Variants in AGTPBP1 observed in about 807,000 individuals in gnomAD.
AGTPBP1 encodes the protein cytosolic carboxypeptidase 1.
In AGTPBP1, 70 loss-of-function variants were observed where a neutral mutation model predicts 143.9. The observed-to-expected ratio is 0.49, with a 90% CI of 0.40 to 0.59. The LOEUF (loss-of-function observed/expected upper bound fraction) is 0.59, where lower values mean the gene tolerates loss of function less well. Ranked by LOEUF, AGTPBP1 falls within the 20% of genes least tolerant of loss-of-function variation. The pLI is 0.00. For synonymous variants in AGTPBP1, 463 were observed against 500.2 expected (o/e 0.93, Z 0.99); for missense variants, 1,229 against 1,464.5 (o/e 0.84, Z 2.62).
chr9:85,791,326 A>T, the AGTPBP1 span, among the ~76,000 whole-genome samples: 20 of 151,934 alleles, frequency 1.3e-4, no homozygotes, highest in Non-Finnish European at 2.6e-4. Context: ...GTGAGCCGAG[A>T]TCGCGCCATT....
the AGTPBP1 span, among the ~76,000 whole-genome samples, chr9:85,782,829 G>A: frequency 3.3e-5 from 5 of 152,146 alleles, no homozygotes; most frequent in African/African-American, 1.2e-4. Flanking sequence ...GTAATACAGA[G>A]GTGTTTACTG....
At chr9:85,770,160 T>C in the AGTPBP1 span, 1 of 669,034 alleles carries the variant, frequency 1.5e-6, no homozygotes, top group Non-Finnish European at 2.5e-6. Context: ...AAAAACATTT[T>C]CTTAAAATGT....
chr9:85,547,370 CT>C, intron 25 of AGTPBP1, 84 bp from the exon 26 acceptor site: 1 of 1,170,686 alleles, frequency 8.5e-7, no homozygotes, highest in Non-Finnish European at 1.1e-6. Flanking sequence ...ACTGGACTAA[CT>C]TTGATTCCAA....
At chr9:85,710,676 TACAACA>T (rs527633138) in intron 2 of AGTPBP1, among the ~76,000 whole-genome samples, 60 of 150,964 alleles carry the variant, frequency 4.0e-4, no homozygotes, top group African/African-American at 1.4e-3. Flanking sequence ...TTAGTTACCC[TACAACA>T]ACAACAACAA....
intron 2 of AGTPBP1, among the ~76,000 whole-genome samples, chr9:85,701,237 A>ATT (rs1176976488): frequency 7.6e-6 from 1 of 131,316 alleles, no homozygotes; most frequent in African/African-American, 2.9e-5. Context: ...TTATTTTTTA[A>ATT]TTTTTTTTTT....
In AGTPBP1 at chr9:85,669,411, T is replaced by C. The variant is rs41283645; in HGVS notation, c.662+74A>G. ...GAGACAATTTAATTCAACCTGCTCA[T>C]TGTACATATCAAGATAATGAGGCCC... On this transcript the variant is annotated intron_variant, in intron 8 of 25. Transcript: ENST00000357081. 15,375 of 779,244 alleles carry C rather than the reference T, an allele frequency of 0.02. 213 individuals carry two copies. Among genetic ancestry groups the C allele is most frequent in the Middle Eastern group, 0.037 (96 of 2,628 alleles). 48.3% of individuals were successfully genotyped at this position (779,244 alleles called of 1,614,324 possible).
At chr9:85,712,923 G>C (rs964696980) in intron 1 of AGTPBP1, among the ~76,000 whole-genome samples, 2 of 152,168 alleles carry the variant, frequency 1.3e-5, no homozygotes, top group African/African-American at 2.4e-5. Context: ...ACAGCATCCT[G>C]TGATTAGTGC....
Position 85,618,975 on chromosome 9 carries a change from T to C in AGTPBP1, c.2335+8A>G, listed in dbSNP as rs781342083. On this transcript the variant is annotated splice_region_variant and intron_variant, in intron 17 of 25. Transcript: ENST00000357081. ...TGCCATTTCAATTGGGAAAGAAAAC[T>C]GTCTTACCATAATTAAACTGACTGT... 12 of 1,601,174 alleles carry C rather than the reference T, an allele frequency of 7.5e-6. No individual in the cohort carries two copies. Among genetic ancestry groups the C allele is most frequent in the Middle Eastern group, 1.7e-4 (1 of 6,020 alleles).
At chr9:85,725,667 T>C (rs1402351578) in intron 1 of AGTPBP1, among the ~76,000 whole-genome samples, 1 of 152,156 alleles carries the variant, frequency 6.6e-6, no homozygotes, top group Non-Finnish European at 1.5e-5. Context: ...TCCAGCACTT[T>C]GGGAGGCCAA....
At chr9:85,670,672 T>C (rs1422093793) in intron 7 of AGTPBP1, among the ~76,000 whole-genome samples, 2 of 152,148 alleles carry the variant, frequency 1.3e-5, no homozygotes, top group East Asian at 1.9e-4. Context: ...AAAGCCAGCC[T>C]GAGATGTATA....
intron 25 of AGTPBP1, among the ~76,000 whole-genome samples, chr9:85,550,863 G>A (rs1825996835): frequency 6.6e-6 from 1 of 152,110 alleles, no homozygotes; most frequent in South Asian, 2.1e-4. Flanking sequence ...CACCAGCACT[G>A]TTTCCTCTGC....
chr9:85,710,904 T>C (rs1310583094), intron 2 of AGTPBP1, among the ~76,000 whole-genome samples: 2 of 152,170 alleles, frequency 1.3e-5, no homozygotes, highest in Non-Finnish European at 1.5e-5. Flanking sequence ...AAAGATCCTT[T>C]TTAAAATACA....
At chr9:85,688,621 G>T (rs1835647358) in intron 3 of AGTPBP1, among the ~76,000 whole-genome samples, 1 of 152,116 alleles carries the variant, frequency 6.6e-6, no homozygotes, top group Non-Finnish European at 1.5e-5. Context: ...ACAACCATGG[G>T]TCAACAAATT....
chr9:85,762,996 T>C, the AGTPBP1 span, among the ~76,000 whole-genome samples: 3 of 151,702 alleles, frequency 2.0e-5, no homozygotes, highest in Admixed American at 2.0e-4. Flanking sequence ...CAAAAAAGAC[T>C]ACTTGTAAGT....
chr9:85,762,221 C>G, the AGTPBP1 span, among the ~76,000 whole-genome samples: 3 of 152,086 alleles, frequency 2.0e-5, no homozygotes, highest in Non-Finnish European at 4.4e-5. Context: ...GGCGATTCCT[C>G]AAGGATCTAG....
At chr9:85,575,218 G>A (rs1827820270) in intron 25 of AGTPBP1, 97 bp downstream of exon 25, 1 of 822,798 alleles carries the variant, frequency 1.2e-6, no homozygotes, top group Non-Finnish European at 1.7e-6. Flanking sequence ...TTCTAAACAT[G>A]CTCTTGCCTG....
In AGTPBP1 at chr9:85,707,451, T is replaced by C. The variant is rs189571837; in HGVS notation, c.32+5051A>G. On this transcript the variant is annotated intron_variant, in intron 2 of 25. Coordinates refer to ENST00000357081, the MANE Select transcript of AGTPBP1 (RefSeq NM_001330701.2). ...AATCAATGAAACCAAAAGCTTGTTC[T>C]TTGAGGATATCAGTAGAACTGATAA... Among the ~76,000 whole-genome samples the C allele has an allele frequency of 5.9e-5, 9 of 152,242 alleles. No individual in the cohort carries two copies. In the East Asian group the frequency reaches 1.7e-3, roughly 29 times the overall value.
At chr9:85,743,926 CT>C (rs10576766), upstream of AGTPBP1, among the ~76,000 whole-genome samples, 4,693 of 132,338 alleles carry the variant, frequency 0.035, 112 homozygotes, top group East Asian at 0.13. Context: ...CTTTTTCTTT[CT>C]TTTTTTTTTT....
chr9:85,732,423 C>A (rs1838950439), intron 1 of AGTPBP1, among the ~76,000 whole-genome samples: 1 of 151,804 alleles, frequency 6.6e-6, no homozygotes, highest in South Asian at 2.1e-4. Context: ...ACCATGTTAG[C>A]CAGGACGGGA....
Sources: allele counts gnomAD v4.1 joint callset (sites outside exome capture counted in the v4.1 genomes callset), GRCh38; gene constraint gnomAD v4.1.1; transcripts MANE v1.5; gene names NCBI Gene and HGNC (gene_info 2026-07-23, HGNC 2026-07-21).